The following NRXN3 variants were observed in gnomAD, a reference collection of about 807,000 sequenced individuals.
The protein encoded by NRXN3 is neurexin 3.
In NRXN3, 32 loss-of-function variants were observed where a neutral mutation model predicts 137.6. The ratio of observed to expected loss-of-function variants is 0.23; its 90% confidence interval spans 0.18 to 0.31. The LOEUF is 0.31. Among genes scored for constraint, NRXN3 ranks in the 10% least tolerant of loss-of-function variants. The pLI, the probability that NRXN3 is intolerant of heterozygous loss-of-function variation, is 1.00. For missense variants in NRXN3, 1,574 were observed against 2,062.5 expected, an observed-to-expected ratio of 0.76 and a Z score of 4.59; for synonymous variants, 798 against 784.5, an observed-to-expected ratio of 1.02 and a Z score of -0.29.
chr14:78,488,194 A>G (rs2095599731), intron 4 of NRXN3, among the ~76,000 whole-genome samples: 1 of 152,184 alleles, frequency 6.6e-6, no homozygotes, highest in African/African-American at 2.4e-5. Flanking sequence ...ACACTGGATT[A>G]GGGCTCACTC....
chr14:79,402,292 T>C (rs1190227382), intron 15 of NRXN3, among the ~76,000 whole-genome samples: 1 of 152,152 alleles, frequency 6.6e-6, no homozygotes, highest in Non-Finnish European at 1.5e-5. Context: ...GTTTAGAAAA[T>C]ACTAACTATA....
At chr14:79,123,917 T>A (rs1481821780) in intron 15 of NRXN3, among the ~76,000 whole-genome samples, 1 of 152,194 alleles carries the variant, frequency 6.6e-6, no homozygotes, top group Non-Finnish European at 1.5e-5. Flanking sequence ...TGCTTATTCG[T>A]CTCTTTGTTT....
chr14:79,267,937 C>T (rs760547008), intron 15 of NRXN3, among the ~76,000 whole-genome samples: 1 of 152,276 alleles, frequency 6.6e-6, no homozygotes, highest in Admixed American at 6.5e-5. Context: ...GAATGGGGCT[C>T]TCATATAATT....
chr14:79,605,787 GC>G (rs2098004488), intron 16 of NRXN3, among the ~76,000 whole-genome samples: 1 of 152,134 alleles, frequency 6.6e-6, no homozygotes, highest in African/African-American at 2.4e-5. Context: ...ACTGCGCCTG[GC>G]CGATACTGCA....
At chr14:79,138,416 A>G (rs2058462172) in intron 15 of NRXN3, among the ~76,000 whole-genome samples, 1 of 152,232 alleles carries the variant, frequency 6.6e-6, no homozygotes. Context: ...TGGCTTCCCA[A>G]AGTGCTAGGA....
At chr14:78,429,698 A>G (rs1411804623) in intron 4 of NRXN3, among the ~76,000 whole-genome samples, 1 of 152,208 alleles carries the variant, frequency 6.6e-6, no homozygotes, top group Non-Finnish European at 1.5e-5. Flanking sequence ...CCCTGCTTTA[A>G]TAGGGTCTGT....
rs1332097333 is a variant in NRXN3, at chr14:79,181,061, TA to T, written c.3262+192921del. 3.9e-4 allele frequency among the ~76,000 whole-genome samples: 14 copies of T among 36,264 alleles called. No individual in the cohort carries two copies. The Admixed American group carries it at 6.7e-3, about 17-fold the overall frequency. 23.8% of individuals were successfully genotyped at this position (36,264 alleles called of 152,430 possible). A position where few individuals can be genotyped will look rare whatever the true frequency, so the allele number is the denominator to read the frequency against. On this transcript the variant is annotated intron_variant, in intron 15 of 20. Coordinates refer to ENST00000335750, the MANE Select transcript of NRXN3 (RefSeq NM_001330195.2). ...GTATATGTATGTGTCTGTGTGCATA[TA>T]TATATATATATATATATATATGCAC...
intron 4 of NRXN3, among the ~76,000 whole-genome samples, chr14:78,562,503 G>T (rs2096796639): frequency 6.6e-6 from 1 of 151,242 alleles, no homozygotes; most frequent in Non-Finnish European, 1.5e-5. Flanking sequence ...GAAGCCAGTT[G>T]CCATGTAAGT....
intron 4 of NRXN3, among the ~76,000 whole-genome samples, chr14:78,641,785 G>T (rs1035068448): frequency 2.0e-5 from 3 of 152,158 alleles, no homozygotes; most frequent in Non-Finnish European, 4.4e-5. Context: ...GAAGGCACTT[G>T]GCCACATAAA....
At chr14:79,041,945 G>T (rs1300807400) in intron 15 of NRXN3, among the ~76,000 whole-genome samples, 2 of 152,100 alleles carry the variant, frequency 1.3e-5, no homozygotes, top group Non-Finnish European at 2.9e-5. Context: ...TAGAAGAATA[G>T]TGAACAACTA....
intron 1 of NRXN3, among the ~76,000 whole-genome samples, chr14:78,184,917 TA>T (rs1566924741): frequency 6.6e-6 from 1 of 152,184 alleles, no homozygotes. Flanking sequence ...ATGCTGTGCT[TA>T]AAGGAGGTTT....
chr14:79,744,135 C>T (rs879227590), intron 19 of NRXN3, among the ~76,000 whole-genome samples: 1 of 152,100 alleles, frequency 6.6e-6, no homozygotes, highest in Admixed American at 6.6e-5. Flanking sequence ...CTGTTTTTAA[C>T]CAAATGCCTA....
intron 15 of NRXN3, among the ~76,000 whole-genome samples, chr14:79,441,191 CT>C (rs80110823): frequency 1.3e-5 from 2 of 150,596 alleles, no homozygotes; most frequent in Non-Finnish European, 3.0e-5. Context: ...CACAGTGTTT[CT>C]TTTTTTTTAA....
chr14:79,102,993 A>C (rs1435381106), intron 15 of NRXN3, among the ~76,000 whole-genome samples: 1 of 152,196 alleles, frequency 6.6e-6, no homozygotes, highest in Non-Finnish European at 1.5e-5. Flanking sequence ...AAATAGTTGC[A>C]TTACATAGTG....
intron 4 of NRXN3, among the ~76,000 whole-genome samples, chr14:78,440,024 C>T (rs558518731): frequency 6.6e-6 from 1 of 152,320 alleles, no homozygotes; most frequent in South Asian, 2.1e-4. Flanking sequence ...TGCCCGCATT[C>T]CCCACCACCA....
intron 15 of NRXN3, among the ~76,000 whole-genome samples, chr14:79,357,423 T>C (rs906214292): frequency 4.6e-5 from 7 of 152,148 alleles, no homozygotes; most frequent in African/African-American, 1.7e-4. Flanking sequence ...TTGATTTCGG[T>C]TTGGTTTGGT....
rs374776962 is a variant in NRXN3, at chr14:79,072,919, C to T, written c.3262+84778C>T. ...TTTTTTTGAGACGGATAGTTTCATT[C>T]CTGTCGCCCAGGCTGGAGTGCAGTG... On this transcript the variant is annotated intron_variant, in intron 15 of 20. Transcript: ENST00000335750. Among the ~76,000 whole-genome samples the T allele has an allele frequency of 2.0e-4, 28 of 138,266 alleles. No individual in the cohort carries two copies. The East Asian group carries it at 5.8e-3, about 29-fold the overall frequency. The allele number at this position is 138,266 out of a possible 152,430, so 90.7% of individuals were successfully genotyped here. A position where few individuals can be genotyped will look rare whatever the true frequency, so the allele number is the denominator to read the frequency against.
At chr14:78,541,215 A>G (rs2096586331) in intron 4 of NRXN3, among the ~76,000 whole-genome samples, 1 of 152,184 alleles carries the variant, frequency 6.6e-6, no homozygotes, top group Admixed American at 6.5e-5. Flanking sequence ...GTGTTTTCCA[A>G]CATGGTTCCA....
rs149933748 is a variant in NRXN3, at chr14:79,227,054, G to A, written c.3262+238913G>A. Among the ~76,000 whole-genome samples the A allele has an allele frequency of 7.8e-3, 1,193 of 151,994 alleles. 10 individuals are homozygous for A. Among genetic ancestry groups the A allele is most frequent in the East Asian group, 0.039 (202 of 5,172 alleles). Reference sequence around the variant, plus strand: ...AGGCTGCTCTTGAACTCCTGACCTCGTGATCCGCCAGCCTAGGCCTCCCAA... The same window carrying A: ...AGGCTGCTCTTGAACTCCTGACCTCATGATCCGCCAGCCTAGGCCTCCCAA... On this transcript the variant is annotated intron_variant, in intron 15 of 20. Transcript: ENST00000335750.
Sources: gnomAD v4.1 joint callset for allele counts (sites outside exome capture counted in the v4.1 genomes callset) on GRCh38, gnomAD v4.1.1 for gene constraint, MANE v1.5 for transcripts, NCBI Gene and HGNC (gene_info 2026-07-23, HGNC 2026-07-21) for gene names.